The following CADM2 variants were observed in gnomAD, a reference collection of about 807,000 sequenced individuals.
CADM2 encodes cell adhesion molecule 2.
CADM2 carries 12 observed loss-of-function variants against 49.8 expected under a neutral mutation model. The ratio of observed to expected loss-of-function variants is 0.24; its 90% CI spans 0.15 to 0.39. CADM2 has a LOEUF of 0.39. Ranked by LOEUF, CADM2 falls within the 10% of genes least tolerant of loss-of-function variation. CADM2 has a pLI of 1.00. For synonymous variants in CADM2, 214 were observed against 175.4 expected, an observed-to-expected ratio of 1.22 and a Z score of -1.74; for missense variants, 378 against 492.3, an observed-to-expected ratio of 0.77 and a Z score of 2.20.
intron 3 of CADM2, among the ~76,000 whole-genome samples, chr3:85,804,348 T>C (rs1236497864): frequency 6.6e-6 from 1 of 152,190 alleles, no homozygotes; most frequent in Non-Finnish European, 1.5e-5. Context: ...AATTTATAAA[T>C]ACTACTTTTT....
chr3:85,842,034 CT>C (rs1307471456), intron 3 of CADM2, among the ~76,000 whole-genome samples: 1 of 152,006 alleles, frequency 6.6e-6, no homozygotes, highest in African/African-American at 2.4e-5. Context: ...GTATGTTATG[CT>C]TTTACATTTA....
intron 1 of CADM2, among the ~76,000 whole-genome samples, chr3:85,517,216 C>G (rs2060925940): frequency 6.6e-6 from 1 of 151,780 alleles, no homozygotes; most frequent in Non-Finnish European, 1.5e-5. Flanking sequence ...TTCAATTTTA[C>G]TCACTTTTAT....
chr3:85,416,199 C>T (rs540205954), intron 1 of CADM2, among the ~76,000 whole-genome samples: 6 of 151,984 alleles, frequency 3.9e-5, no homozygotes, highest in Admixed American at 6.6e-5. Context: ...CCCAACAAAC[C>T]TGTTTCCAGA....
intron 1 of CADM2, among the ~76,000 whole-genome samples, chr3:85,090,823 A>C (rs2037567982): frequency 6.6e-6 from 1 of 152,174 alleles, no homozygotes; most frequent in Admixed American, 6.6e-5. Flanking sequence ...CCTTAGAAGA[A>C]TCTCACTAAT....
intron 1 of CADM2, among the ~76,000 whole-genome samples, chr3:85,664,062 A>G (rs1263991280): frequency 6.6e-6 from 1 of 151,912 alleles, no homozygotes; most frequent in African/African-American, 2.4e-5. Flanking sequence ...TTCAACTTCT[A>G]TGTTTCTTTT....
chr3:85,801,994 T>TGGGC, intron 2 of CADM2, 53 bp from the exon 3 acceptor site: 1 of 1,334,566 alleles, frequency 7.5e-7, no homozygotes, highest in South Asian at 1.8e-5. Context: ...TCTTAGGCAG[T>TGGGC]TAATCATTTT....
chr3:85,704,027 T>A (rs570776752), intron 1 of CADM2, among the ~76,000 whole-genome samples: 1 of 152,334 alleles, frequency 6.6e-6, no homozygotes, highest in South Asian at 2.1e-4. Context: ...TTAGTCAACT[T>A]GCTTTTTATA....
rs1018041919 is a variant in CADM2 at position 85,439,448 on chromosome 3, C to T, written c.62-287074C>T. 5.9e-5 allele frequency among the ~76,000 whole-genome samples: 9 copies of T among 151,866 alleles called. No homozygotes were observed. In the East Asian group the frequency reaches 9.7e-4, roughly 16 times the overall value. On this transcript the variant is annotated intron_variant, in intron 1 of 9. Transcript: ENST00000383699. ...GATTACAGGTGTAAGCCACTGTGCC[C>T]GGCCAATGACTTGATTTTTGACTGA...
At position 85,961,428 on chromosome 3, in the gene CADM2, T is replaced by G. The variant is rs552129698; in HGVS notation, c.792-41T>G. ...TACTAAATTTACACATATTTAACAT[T>G]TCTTATTTTTGCTATCTACATGCAT... is the stretch of plus-strand genomic sequence containing the variant. On this transcript the variant is annotated intron_variant, in intron 7 of 9. Transcript: ENST00000383699. 4.1e-6 allele frequency: 6 copies of G among 1,451,440 alleles called. No homozygotes were observed. In the South Asian group the frequency reaches 7.2e-5, roughly 17 times the overall value. The allele number at this position is 1,451,440 out of a possible 1,614,324, so 89.9% of individuals were successfully genotyped here.
intron 8 of CADM2, among the ~76,000 whole-genome samples, chr3:85,995,518 T>A (rs1729272287): frequency 6.6e-6 from 1 of 152,138 alleles, no homozygotes; most frequent in East Asian, 1.9e-4. Context: ...TACAACAGAA[T>A]GAAAGAAGCA....
intron 1 of CADM2, among the ~76,000 whole-genome samples, chr3:85,164,946 G>A (rs1328727140): frequency 6.6e-6 from 1 of 151,570 alleles, no homozygotes; most frequent in African/African-American, 2.4e-5. Flanking sequence ...AATATATATA[G>A]AAAGTGTATG....
intron 8 of CADM2, among the ~76,000 whole-genome samples, chr3:86,057,571 G>GT (rs1326532867): frequency 2.0e-5 from 3 of 152,120 alleles, no homozygotes; most frequent in Non-Finnish European, 4.4e-5. Flanking sequence ...TAAAAGTGCT[G>GT]TTACAACTAT....
At chr3:85,976,015 A>G (rs1005643996) in intron 8 of CADM2, among the ~76,000 whole-genome samples, 4 of 151,618 alleles carry the variant, frequency 2.6e-5, no homozygotes, top group African/African-American at 9.7e-5. Flanking sequence ...ATTACTTAAA[A>G]TATTAGTATA....
At chr3:85,576,156 T>C (rs916367374) in intron 1 of CADM2, among the ~76,000 whole-genome samples, 1 of 152,210 alleles carries the variant, frequency 6.6e-6, no homozygotes, top group Non-Finnish European at 1.5e-5. Context: ...TTATTTATTA[T>C]AAAAATTAGT....
At chr3:85,127,193 A>G (rs982984748) in intron 1 of CADM2, among the ~76,000 whole-genome samples, 2 of 152,208 alleles carry the variant, frequency 1.3e-5, no homozygotes, top group African/African-American at 4.8e-5. Context: ...ACCAGGCTTT[A>G]TGCTTATGTG....
chr3:84,996,219 A>G (rs1361415406), intron 1 of CADM2, among the ~76,000 whole-genome samples: 1 of 152,196 alleles, frequency 6.6e-6, no homozygotes, highest in Non-Finnish European at 1.5e-5. Flanking sequence ...TACTCAAAAT[A>G]TAAATTGAGT....
chr3:85,202,688 C>G (rs1038349936), intron 1 of CADM2, among the ~76,000 whole-genome samples: 1 of 152,134 alleles, frequency 6.6e-6, no homozygotes, highest in East Asian at 1.9e-4. Flanking sequence ...TACATTAGTT[C>G]CTAAGAAGCA....
chr3:85,700,847 C>G (rs536961680), intron 1 of CADM2, among the ~76,000 whole-genome samples: 8 of 152,284 alleles, frequency 5.3e-5, no homozygotes, highest in African/African-American at 1.9e-4. Context: ...CCCTCATCTT[C>G]CTCTCTTCTT....
chr3:85,597,163 A>G (rs545782423), intron 1 of CADM2, among the ~76,000 whole-genome samples: 1 of 152,178 alleles, frequency 6.6e-6, no homozygotes, highest in African/African-American at 2.4e-5. Flanking sequence ...AAAGAAAAAT[A>G]TGACACTTAA....
Sources: allele counts gnomAD v4.1 joint callset (sites outside exome capture counted in the v4.1 genomes callset), GRCh38; gene constraint gnomAD v4.1.1; transcripts MANE v1.5; gene names NCBI Gene and HGNC (gene_info 2026-07-23, HGNC 2026-07-21).